The following WFDC10B variants were observed in gnomAD, a reference collection of about 807,000 sequenced individuals.
The protein encoded by WFDC10B is protein WFDC10B.
WFDC10B carries 1 observed loss-of-function variant against 2.7 expected under a neutral mutation model. The ratio of observed to expected loss-of-function variants is 0.38; its 90% CI spans 0.13 to 1.79. WFDC10B has a LOEUF of 1.79. Among genes scored for constraint, WFDC10B ranks in the 40% most tolerant of loss-of-function variants. The pLI, the probability that WFDC10B is intolerant of heterozygous loss-of-function variation, is 0.33. For missense variants in WFDC10B, 71 were observed against 87.8 expected, an observed-to-expected ratio of 0.81 and a Z score of 0.76; for synonymous variants, 26 against 32.2, an observed-to-expected ratio of 0.81 and a Z score of 0.65.
At chr20:45,697,572 G>A (rs969298385) in intron 2 of WFDC10B, among the ~76,000 whole-genome samples, 16 of 151,656 alleles carry the variant, frequency 1.1e-4, no homozygotes, top group African/African-American at 3.1e-4. Flanking sequence ...GGCTGATCTC[G>A]AACTCCTGAG....
chr20:45,688,763 T>A (rs539931026), intron 2 of WFDC10B, among the ~76,000 whole-genome samples: 1 of 152,348 alleles, frequency 6.6e-6, no homozygotes, highest in African/African-American at 2.4e-5. Context: ...GATGAGTAGG[T>A]TGCGAAAATT....
At chr20:45,690,856 GTTA>G (rs1488789078) in intron 2 of WFDC10B, among the ~76,000 whole-genome samples, 7 of 152,154 alleles carry the variant, frequency 4.6e-5, no homozygotes, top group Non-Finnish European at 5.9e-5. Flanking sequence ...TCCGATTTTA[GTTA>G]TTTCTTGCTT....
At chr20:45,693,035 T>C (rs1983864835) in intron 2 of WFDC10B, among the ~76,000 whole-genome samples, 1 of 152,198 alleles carries the variant, frequency 6.6e-6, no homozygotes, top group African/African-American at 2.4e-5. Flanking sequence ...TTGTTAGTTT[T>C]CCTTCTAACA....
chr20:45,695,054 C>T (rs982146021), intron 2 of WFDC10B, among the ~76,000 whole-genome samples: 1 of 152,202 alleles, frequency 6.6e-6, no homozygotes, highest in Non-Finnish European at 1.5e-5. Context: ...TTATAATAAA[C>T]TGATAAACCT....
chr20:45,703,040 T>A (rs1449579258), intron 2 of WFDC10B, among the ~76,000 whole-genome samples: 2 of 151,898 alleles, frequency 1.3e-5, no homozygotes, highest in African/African-American at 4.8e-5. Flanking sequence ...AAAATAGGAG[T>A]GCCCAGGGTA....
chr20:45,688,093 C>A lies in WFDC10B; in HGVS notation c.-64-2037G>T, dbSNP rs554595556. 1.9e-3 allele frequency among the ~76,000 whole-genome samples: 266 copies of A among 139,388 alleles called. 1 individual carries two copies. The highest frequency in any genetic ancestry group is 3.2e-3 in the Admixed American group (40 of 12,430). 91.4% of individuals were successfully genotyped at this position (139,388 alleles called of 152,430 possible). On this transcript the variant is annotated intron_variant, in intron 2 of 3. Coordinates refer to ENST00000330523, the MANE Select transcript of WFDC10B (RefSeq NM_172006.2). ...CCTGTGTCCATGTGTTCTCATTGTT[C>A]AATTCCCACCTATGAGTGAGAATAT...
rs1983599966 is a variant in WFDC10B, at chr20:45,685,933, C to T, written c.60G>A (p.Gln20=). The T allele has an allele frequency of 6.2e-7, 1 of 1,614,056 alleles. No individual in the cohort carries two copies. Among genetic ancestry groups the T allele is most frequent in the Non-Finnish European group, 8.5e-7 (1 of 1,180,054 alleles). The change falls in exon 3 of 4, where the codon CAG becomes CAA. Residue 20 remains glutamine, a synonymous_variant. Transcript: ENST00000330523. ...LVLCVLLLQA[Q]GGYRDKMRMQ... ...TCCTCATCTTGTCACGGTATCCTCC[C>T]TGGGCCTGCAGCAGCAGCACACAGA...
chr20:45,704,064 C>T (rs1002938814), intron 2 of WFDC10B, among the ~76,000 whole-genome samples: 1 of 152,210 alleles, frequency 6.6e-6, no homozygotes, highest in African/African-American at 2.4e-5. Flanking sequence ...CTACAACTTG[C>T]TCAAGACCAC....
At chr20:45,686,814 T>A (rs1301516181) in intron 2 of WFDC10B, among the ~76,000 whole-genome samples, 2 of 151,894 alleles carry the variant, frequency 1.3e-5, no homozygotes, top group African/African-American at 2.4e-5. Flanking sequence ...GCATGTGCCA[T>A]CACACCCAGA....
intron 2 of WFDC10B, among the ~76,000 whole-genome samples, chr20:45,693,039 T>G (rs571311700): frequency 6.6e-6 from 1 of 152,320 alleles, no homozygotes; most frequent in South Asian, 2.1e-4. Context: ...TAGTTTTCCT[T>G]CTAACAGACA....
intron 3 of WFDC10B, 38 bp from the exon 4 acceptor site, chr20:45,684,998 A>G (rs750909605): frequency 1.2e-6 from 2 of 1,611,664 alleles, no homozygotes; most frequent in African/African-American, 1.3e-5. Context: ...GAAACCATGC[A>G]CCTATAGAGC....
intron 2 of WFDC10B, among the ~76,000 whole-genome samples, chr20:45,690,135 A>C (rs1378322011): frequency 6.6e-6 from 1 of 152,092 alleles, no homozygotes; most frequent in Non-Finnish European, 1.5e-5. Context: ...TATATGCTGG[A>C]TTACATTTAT....
chr20:45,691,597 T>G (rs569211564), intron 2 of WFDC10B, among the ~76,000 whole-genome samples: 59 of 151,846 alleles, frequency 3.9e-4, no homozygotes, highest in African/African-American at 1.4e-3. Context: ...TGTAATGGCC[T>G]TCTTTGTCTC....
chr20:45,702,882 T>C (rs1371381215), intron 2 of WFDC10B, among the ~76,000 whole-genome samples: 1 of 152,156 alleles, frequency 6.6e-6, no homozygotes, highest in Non-Finnish European at 1.5e-5. Context: ...TCCACTCTTC[T>C]ATGGGGAAAA....
At chr20:45,685,028 C>T in intron 3 of WFDC10B, 68 bp from the exon 4 acceptor site, 5 of 1,597,052 alleles carry the variant, frequency 3.1e-6, no homozygotes, top group South Asian at 1.1e-5. Flanking sequence ...AAGCTTGAAG[C>T]TCCTCCATGG....
At chr20:45,686,270 C>A (rs923637851) in intron 2 of WFDC10B, among the ~76,000 whole-genome samples, 2 of 152,118 alleles carry the variant, frequency 1.3e-5, no homozygotes, top group Non-Finnish European at 2.9e-5. Context: ...TTTTCTTTTC[C>A]AAAAGGTACT....
chr20:45,698,776 C>T (rs1600963133), intron 2 of WFDC10B, among the ~76,000 whole-genome samples: 1 of 151,798 alleles, frequency 6.6e-6, no homozygotes, highest in Admixed American at 6.6e-5. Context: ...AGACCAGCCT[C>T]GCCAACATGG....
At position 45,684,870 on chromosome 20, in the gene WFDC10B, C is replaced by A; in HGVS notation, c.182G>T (p.Cys61Phe). 6.2e-7 allele frequency: 1 copy of A among 1,614,016 alleles called. No homozygotes were observed. Among genetic ancestry groups the A allele is most frequent in the Admixed American group, 1.7e-5 (1 of 59,994 alleles). The change falls in exon 4 of 4, where the codon TGT (cysteine) becomes TTT (phenylalanine). Residue 61 changes from cysteine (C) to phenylalanine (F), a missense_variant. By Grantham distance (205) the Cys-to-Phe change is radical. Coordinates refer to ENST00000330523, the MANE Select transcript of WFDC10B (RefSeq NM_172006.2). Reference sequence around the variant, plus strand: ...ACAAATGTTCCCACAGAAGGCTGAACAGCATATCTTATTTGTTTCACACTT... The same window carrying A: ...ACAAATGTTCCCACAGAAGGCTGAAAAGCATATCTTATTTGTTTCACACTT... Reference protein sequence around the residue: ...FQKCETNKICCSAFCGNICMS... With the variant: ...FQKCETNKICFSAFCGNICMS...
In WFDC10B at chr20:45,688,143, C is replaced by T. The variant is rs866285565; in HGVS notation, c.-64-2087G>A. ...TGCGGTGTTTGGTTTTTTGTTCTTG[C>T]GATAGTTTACTGAGAATGATGATTT... is the stretch of plus-strand genomic sequence containing the variant. On this transcript the variant is annotated intron_variant, in intron 2 of 3. Coordinates refer to ENST00000330523, the MANE Select transcript of WFDC10B (RefSeq NM_172006.2). 5.4e-3 allele frequency among the ~76,000 whole-genome samples: 819 copies of T among 150,416 alleles called. 9 individuals carry two copies. The highest frequency in any genetic ancestry group is 0.018 in the African/African-American group (755 of 40,894).
Sources: allele counts gnomAD v4.1 joint callset (sites outside exome capture counted in the v4.1 genomes callset), GRCh38; gene constraint gnomAD v4.1.1; transcripts MANE v1.5; gene names NCBI Gene and HGNC (gene_info 2026-07-23, HGNC 2026-07-21).